SLCO1B1: variants seen among roughly 807,000 people sequenced by gnomAD.
The protein encoded by SLCO1B1 is OATP-2.
Under a neutral mutation model 70.1 loss-of-function variants are expected in SLCO1B1, and 81 were observed. The ratio of observed to expected loss-of-function variants is 1.16; its 90% confidence interval spans 0.97 to 1.39. The LOEUF is 1.39. SLCO1B1 is among the 40% of genes most tolerant of loss of function. The pLI, the probability that SLCO1B1 is intolerant of heterozygous loss-of-function variation, is 0.00. For missense variants in SLCO1B1, 895 were observed against 799.6 expected, an observed-to-expected ratio of 1.12 and a Z score of -1.44; for synonymous variants, 283 against 271.5, an observed-to-expected ratio of 1.04 and a Z score of -0.42.
chr12:21,216,279 A>AT (rs1458119436), intron 11 of SLCO1B1, among the ~76,000 whole-genome samples: 1 of 151,846 alleles, frequency 6.6e-6, no homozygotes, highest in Non-Finnish European at 1.5e-5. Flanking sequence ...ATTCCTAGTG[A>AT]AAAAAAATAG....
intron 2 of SLCO1B1, among the ~76,000 whole-genome samples, chr12:21,147,367 A>C (rs950999645): frequency 6.6e-6 from 1 of 152,144 alleles, no homozygotes; most frequent in Non-Finnish European, 1.5e-5. Flanking sequence ...AACACATGCC[A>C]TGGTGGTTTG....
At chr12:21,212,470 A>AGCTTTACTTCCCAGTATGTG (rs1941299710) in intron 11 of SLCO1B1, among the ~76,000 whole-genome samples, 1 of 142,908 alleles carries the variant, frequency 7.0e-6, no homozygotes, top group Non-Finnish European at 1.5e-5. Context: ...TGCTGAGGAG[A>AGCTTTACTTCCCAGTATGTG]GCTTTACTTC....
intron 2 of SLCO1B1, among the ~76,000 whole-genome samples, chr12:21,170,332 G>A (rs1452646531): frequency 1.3e-5 from 2 of 152,140 alleles, no homozygotes; most frequent in East Asian, 1.9e-4. Context: ...ACGATAGCCT[G>A]GAGGTACAGA....
chr12:21,143,991 A>G (rs192207397), intron 2 of SLCO1B1, among the ~76,000 whole-genome samples: 1 of 148,744 alleles, frequency 6.7e-6, no homozygotes, highest in East Asian at 2.0e-4. Flanking sequence ...AAATACAAAC[A>G]AAACTTTGAG....
chr12:21,207,787 G>C (rs1941231266), intron 11 of SLCO1B1, among the ~76,000 whole-genome samples: 1 of 151,792 alleles, frequency 6.6e-6, no homozygotes, highest in South Asian at 2.1e-4. Flanking sequence ...CCTTTCTTCT[G>C]CAGCCTTGCC....
intron 3 of SLCO1B1, 105 bp from the exon 4 acceptor site, chr12:21,174,472 G>A (rs1940794077): frequency 1.9e-6 from 2 of 1,039,082 alleles, no homozygotes; most frequent in South Asian, 1.3e-5. Context: ...TGTCTTTGAG[G>A]GAAGGCACTA....
chr12:21,133,387 AT>A (rs981593639), intron 1 of SLCO1B1, among the ~76,000 whole-genome samples: 16 of 152,278 alleles, frequency 1.1e-4, no homozygotes, highest in African/African-American at 3.9e-4. Flanking sequence ...TGGTAGCTTG[AT>A]GGGGATGGCA....
At chr12:21,132,126 G>A (rs1940145130) in intron 1 of SLCO1B1, among the ~76,000 whole-genome samples, 1 of 152,026 alleles carries the variant, frequency 6.6e-6, no homozygotes, top group Admixed American at 6.6e-5. Flanking sequence ...TGAGAATGAT[G>A]GTTTCCAGTT....
At chr12:21,180,947 A>G (rs1394800928) in intron 7 of SLCO1B1, among the ~76,000 whole-genome samples, 2 of 152,206 alleles carry the variant, frequency 1.3e-5, no homozygotes, top group Non-Finnish European at 2.9e-5. Context: ...TTCAGTGATG[A>G]GTATGAGCTT....
intron 7 of SLCO1B1, among the ~76,000 whole-genome samples, chr12:21,189,570 C>T (rs1005781151): frequency 3.9e-5 from 6 of 152,058 alleles, no homozygotes; most frequent in Non-Finnish European, 7.4e-5. Context: ...GCCTCAGCCT[C>T]CAGAGTATCT....
At chr12:21,230,862 G>A (rs1941528381) in intron 14 of SLCO1B1, among the ~76,000 whole-genome samples, 1 of 151,784 alleles carries the variant, frequency 6.6e-6, no homozygotes, top group African/African-American at 2.4e-5. Flanking sequence ...TAGGGTACAT[G>A]TGCACAATGT....
At chr12:21,132,533 T>A (rs1297091069) in intron 1 of SLCO1B1, among the ~76,000 whole-genome samples, 1 of 152,196 alleles carries the variant, frequency 6.6e-6, no homozygotes, top group Non-Finnish European at 1.5e-5. Context: ...CTATTCTAAC[T>A]GGTGTGAGAT....
rs1271328442 is a variant in SLCO1B1 at position 21,213,293 on chromosome 12, G to T, written c.1498-3826G>T. Among the ~76,000 whole-genome samples, 6 of 152,186 alleles carry T rather than the reference G, an allele frequency of 3.9e-5. No homozygotes were observed. The East Asian group carries it at 5.8e-4, about 15-fold the overall frequency. On this transcript the variant is annotated intron_variant, in intron 11 of 14. Coordinates refer to ENST00000256958, the MANE Select transcript of SLCO1B1 (RefSeq NM_006446.5). ...AGAATCTCTCAGCATTTGCTTGTCT[G>T]TAAAGTATTTTATTTCTCCTTCGCT...
At chr12:21,196,905 CA>C (rs1208806280) in intron 7 of SLCO1B1, 40 bp from the exon 8 acceptor site, 1 of 1,595,914 alleles carries the variant, frequency 6.3e-7, no homozygotes, top group Admixed American at 1.7e-5. Context: ...TATTGTATTT[CA>C]AAATGATTTT....
chr12:21,188,833 T>TG (rs1222479147), intron 7 of SLCO1B1, among the ~76,000 whole-genome samples: 1 of 152,184 alleles, frequency 6.6e-6, no homozygotes, highest in African/African-American at 2.4e-5. Context: ...TGAGTGTTAC[T>TG]GTTTTATGTT....
intron 3 of SLCO1B1, among the ~76,000 whole-genome samples, chr12:21,173,625 G>GC (rs1940781335): frequency 8.1e-6 from 1 of 123,410 alleles, no homozygotes. Context: ...TTTTTATAAA[G>GC]TAAAAAAAAA....
rs187463727 is a variant in SLCO1B1 at position 21,181,315 on chromosome 12, T to C, written c.727+2295T>C. On this transcript the variant is annotated intron_variant, in intron 7 of 14. Transcript: ENST00000256958. ...GCGCGATTATGACCCTTAGTTACTA[T>C]GTGTAGAACAGTGAAAGAACAGAAA... Among the ~76,000 whole-genome samples the C allele has an allele frequency of 1.1e-3, 170 of 152,294 alleles. 3 individuals are homozygous for C. The South Asian group carries it at 0.034, about 31-fold the overall frequency.
chr12:21,132,951 T>A (rs1940163690), intron 1 of SLCO1B1, among the ~76,000 whole-genome samples: 1 of 151,958 alleles, frequency 6.6e-6, no homozygotes, highest in African/African-American at 2.4e-5. Flanking sequence ...TCTTCTAGGG[T>A]TTTTATGGTT....
chr12:21,135,552 C>T (rs990398052), intron 1 of SLCO1B1, among the ~76,000 whole-genome samples: 10 of 152,112 alleles, frequency 6.6e-5, no homozygotes, highest in African/African-American at 1.7e-4. Context: ...GGATAGTTAG[C>T]GCTTCTTGTT....
Sources: gnomAD v4.1 joint callset for allele counts (sites outside exome capture counted in the v4.1 genomes callset) on GRCh38, gnomAD v4.1.1 for gene constraint, MANE v1.5 for transcripts, NCBI Gene and HGNC (gene_info 2026-07-23, HGNC 2026-07-21) for gene names.